The following GABRB2 variants were observed in gnomAD, a reference collection of about 807,000 sequenced individuals.
GABRB2 encodes gamma-aminobutyric acid type A receptor subunit beta2.
Under a neutral mutation model 54.7 loss-of-function variants are expected in GABRB2, and 16 were observed. That is an observed-to-expected ratio of 0.29 (90% CI 0.20 to 0.44). The LOEUF is 0.44. GABRB2 is among the 20% of genes least tolerant of loss of function. The pLI, the probability that GABRB2 is intolerant of heterozygous loss-of-function variation, is 1.00. For synonymous variants in GABRB2, 244 were observed against 233.8 expected (o/e 1.04, Z -0.40); for missense variants, 355 against 644.0 (o/e 0.55, Z 4.86).
chr5:161,459,100 C>A (rs13160563), intron 4 of GABRB2: 2 of 154,596 alleles, frequency 1.3e-5, no homozygotes, highest in African/African-American at 2.4e-5. Flanking sequence ...ACAGTTATTT[C>A]CTGACATAGA....
At chr5:161,464,781 A>T (rs1331199660) in intron 3 of GABRB2, among the ~76,000 whole-genome samples, 1 of 152,130 alleles carries the variant, frequency 6.6e-6, no homozygotes, top group Admixed American at 6.6e-5. Flanking sequence ...AGCTAAGTGA[A>T]AGAAGCCAGA....
At chr5:161,540,808 G>T (rs1306227170) in intron 3 of GABRB2, among the ~76,000 whole-genome samples, 1 of 151,946 alleles carries the variant, frequency 6.6e-6, no homozygotes, top group Non-Finnish European at 1.5e-5. Flanking sequence ...TTATTTTCTT[G>T]TTGTTTTGTT....
At chr5:161,521,080 A>G (rs1760098212) in intron 3 of GABRB2, among the ~76,000 whole-genome samples, 1 of 152,028 alleles carries the variant, frequency 6.6e-6, no homozygotes, top group South Asian at 2.1e-4. Context: ...TTTCCTATGG[A>G]CGGGCAAGCT....
chr5:161,374,254 C>T (rs1040269859), intron 5 of GABRB2, among the ~76,000 whole-genome samples: 1 of 152,092 alleles, frequency 6.6e-6, no homozygotes, highest in Non-Finnish European at 1.5e-5. Flanking sequence ...CCAGTCTTCT[C>T]TTTTGAGCTC....
At chr5:161,392,504 G>T (rs573869497) in intron 5 of GABRB2, among the ~76,000 whole-genome samples, 3 of 152,178 alleles carry the variant, frequency 2.0e-5, no homozygotes, top group African/African-American at 7.2e-5. Context: ...ACAAAATGGT[G>T]CAAGAGAGGT....
At chr5:161,319,848 A>T (rs1260709933) in intron 9 of GABRB2, among the ~76,000 whole-genome samples, 2 of 151,666 alleles carry the variant, frequency 1.3e-5, no homozygotes, top group Non-Finnish European at 3.0e-5. Flanking sequence ...TGTTAAGTTC[A>T]TCTTTAGTTA....
chr5:161,367,705 C>G (rs1700038975), intron 5 of GABRB2, among the ~76,000 whole-genome samples: 1 of 152,006 alleles, frequency 6.6e-6, no homozygotes, highest in African/African-American at 2.4e-5. Context: ...TTTCGTGCCT[C>G]TAAAACACGG....
chr5:161,316,119 G>A (rs1210539557), intron 9 of GABRB2, among the ~76,000 whole-genome samples: 1 of 152,152 alleles, frequency 6.6e-6, no homozygotes, highest in African/African-American at 2.4e-5. Context: ...GAAACAATGA[G>A]TATCTTAGAG....
intron 3 of GABRB2, among the ~76,000 whole-genome samples, chr5:161,473,973 A>G (rs1758519195): frequency 6.6e-6 from 1 of 151,944 alleles, no homozygotes; most frequent in African/African-American, 2.4e-5. Context: ...AGAAAACAGA[A>G]AGGGTAGATG....
At chr5:161,357,281 T>C (rs1466643109) in intron 5 of GABRB2, among the ~76,000 whole-genome samples, 1 of 151,982 alleles carries the variant, frequency 6.6e-6, no homozygotes, top group East Asian at 1.9e-4. Context: ...ATCCTATCTA[T>C]AGAAAGGCAT....
chr5:161,488,310 A>C (rs1758989201), intron 3 of GABRB2, among the ~76,000 whole-genome samples: 3 of 151,246 alleles, frequency 2.0e-5, no homozygotes, highest in African/African-American at 7.3e-5. Flanking sequence ...TCACATACTG[A>C]TATGGACATT....
intron 4 of GABRB2, among the ~76,000 whole-genome samples, chr5:161,413,351 TTTAA>T (rs1404779465): frequency 5.3e-5 from 8 of 152,144 alleles, no homozygotes; most frequent in Admixed American, 3.3e-4. Flanking sequence ...TTTTAATTAA[TTTAA>T]TTAAGATTAC....
intron 2 of GABRB2, among the ~76,000 whole-genome samples, chr5:161,545,847 G>C (rs1280076162): frequency 6.6e-6 from 1 of 152,120 alleles, no homozygotes; most frequent in Non-Finnish European, 1.5e-5. Flanking sequence ...GCTGGGAGGA[G>C]TGGATTATAT....
chr5:161,434,569 C>T (rs1757258093), intron 4 of GABRB2, among the ~76,000 whole-genome samples: 1 of 152,074 alleles, frequency 6.6e-6, no homozygotes, highest in Admixed American at 6.6e-5. Flanking sequence ...ATATGCTGTT[C>T]CCTCTACCTG....
intron 5 of GABRB2, among the ~76,000 whole-genome samples, chr5:161,343,489 A>C (rs921335040): frequency 1.6e-4 from 25 of 152,076 alleles, no homozygotes; most frequent in Admixed American, 1.3e-3. Flanking sequence ...TATCTATTAA[A>C]ATTCCAATGC....
chr5:161,538,038 A>G (rs1410899425), intron 3 of GABRB2, among the ~76,000 whole-genome samples: 1 of 151,962 alleles, frequency 6.6e-6, no homozygotes, highest in African/African-American at 2.4e-5. Flanking sequence ...TGCCCTGTGT[A>G]TATCCTCTTT....
intron 9 of GABRB2, among the ~76,000 whole-genome samples, chr5:161,301,312 T>C (rs1757529929): frequency 6.6e-6 from 1 of 152,178 alleles, no homozygotes; most frequent in South Asian, 2.1e-4. Flanking sequence ...ATCCTTAAAA[T>C]CGAGTTTCCA....
intron 4 of GABRB2, among the ~76,000 whole-genome samples, chr5:161,442,747 A>G (rs1036994996): frequency 1.3e-5 from 2 of 151,168 alleles, no homozygotes; most frequent in African/African-American, 4.9e-5. Context: ...TCCCTTTTCA[A>G]TTCTCTCTCT....
chr5:161,517,178 G>T (rs1241527836), intron 3 of GABRB2, among the ~76,000 whole-genome samples: 2 of 152,096 alleles, frequency 1.3e-5, no homozygotes, highest in African/African-American at 4.8e-5. Flanking sequence ...CATAAAGATA[G>T]CTGTGATGAA....
Sources: allele counts gnomAD v4.1 joint callset (sites outside exome capture counted in the v4.1 genomes callset), GRCh38; gene constraint gnomAD v4.1.1; transcripts MANE v1.5; gene names NCBI Gene and HGNC (gene_info 2026-07-23, HGNC 2026-07-21).